The following MON2 variants were observed in gnomAD, a reference collection of about 807,000 sequenced individuals.
The protein encoded by MON2 is protein MON2 homolog.
Under a neutral mutation model 208.6 loss-of-function variants are expected in MON2, and 84 were observed. The ratio of observed to expected loss-of-function variants is 0.40; its 90% CI spans 0.34 to 0.48. MON2 has a LOEUF of 0.48. MON2 is among the 20% of genes least tolerant of loss of function. MON2 has a pLI of 0.59. For synonymous variants in MON2, 660 were observed against 694.0 expected, an observed-to-expected ratio of 0.95 and a Z score of 0.77; for missense variants, 1,611 against 2,015.4, an observed-to-expected ratio of 0.80 and a Z score of 3.84.
chr12:62,583,385 G>A (rs539193212), intron 32 of MON2, among the ~76,000 whole-genome samples: 1 of 128,946 alleles, frequency 7.8e-6, no homozygotes, highest in Non-Finnish European at 1.7e-5. Context: ...AAGATGTAGA[G>A]TTCAGTGAAA....
intron 25 of MON2, among the ~76,000 whole-genome samples, chr12:62,558,054 A>G (rs1296035625): frequency 1.5e-5 from 2 of 130,862 alleles, no homozygotes; most frequent in Non-Finnish European, 3.1e-5. Flanking sequence ...GGCTCACCCC[A>G]ACCTCTGCCT....
At chr12:62,576,402 G>T (rs191415903) in intron 30 of MON2, among the ~76,000 whole-genome samples, 21 of 152,032 alleles carry the variant, frequency 1.4e-4, no homozygotes, top group Non-Finnish European at 2.8e-4. Context: ...GGTGATGGTT[G>T]TACAACTTTA....
At chr12:62,574,608 T>C (rs944404831) in intron 30 of MON2, among the ~76,000 whole-genome samples, 2 of 152,072 alleles carry the variant, frequency 1.3e-5, no homozygotes, top group Admixed American at 6.6e-5. Flanking sequence ...TTATTTTTAA[T>C]GGCTAAAAAT....
chr12:62,473,316 AAAATGGTGG>A (rs11267224), intron 1 of MON2, among the ~76,000 whole-genome samples: 102,253 of 151,234 alleles, frequency 0.68, 34,843 homozygotes, highest in African/African-American at 0.78. Context: ...GTAAAGCTGG[AAAATGGTGG>A]AAATGGTGGA....
Position 62,570,050 on chromosome 12 carries a change from T to TTA in MON2, c.4324-1342_4324-1341insTA, listed in dbSNP as rs1565697285. On this transcript the variant is annotated intron_variant, in intron 29 of 34. Transcript: ENST00000393630. ...GTATGCCAAAACTGTTTGTCAGTGG[T>TTA]GCTGTGTGTTAGTTCATTATGATGT... Among the ~76,000 whole-genome samples, 5 of 152,284 alleles carry TTA rather than the reference T, an allele frequency of 3.3e-5. No homozygotes were observed. In the South Asian group the frequency reaches 1.0e-3, roughly 32 times the overall value.
intron 11 of MON2, among the ~76,000 whole-genome samples, chr12:62,527,572 C>G (rs1313267051): frequency 6.6e-6 from 1 of 152,098 alleles, no homozygotes; most frequent in African/African-American, 2.4e-5. Context: ...ATCTAGTTCA[C>G]CTTCCCACCT....
intron 2 of MON2, among the ~76,000 whole-genome samples, chr12:62,489,808 C>T (rs1038031002): frequency 3.9e-5 from 6 of 152,116 alleles, no homozygotes; most frequent in South Asian, 2.1e-4. Context: ...TATTTTCAGA[C>T]GTTTTGAACC....
chr12:62,567,757 A>G (rs1013407910), intron 29 of MON2, among the ~76,000 whole-genome samples: 3 of 152,240 alleles, frequency 2.0e-5, no homozygotes, highest in Non-Finnish European at 4.4e-5. Context: ...TAATAATTCA[A>G]TATGGAGAAT....
rs1385972387 is a variant in MON2, at chr12:62,580,475, T to G, written c.4699+55T>G. Reference sequence around the variant, plus strand: ...TATTGAAGTACTTTTGAAGAAACTGTCAGTAGAAATGTTTAATCCTATGAT... The same window carrying G: ...TATTGAAGTACTTTTGAAGAAACTGGCAGTAGAAATGTTTAATCCTATGAT... On this transcript the variant is annotated intron_variant, in intron 32 of 34. Transcript: ENST00000393630. 1.2e-5 allele frequency: 17 copies of G among 1,442,908 alleles called. No homozygotes were observed. In the East Asian group the frequency reaches 3.7e-4, roughly 31 times the overall value. The allele number at this position is 1,442,908 out of a possible 1,614,324, so 89.4% of individuals were successfully genotyped here.
At chr12:62,493,079 T>G (rs1243152708) in intron 2 of MON2, among the ~76,000 whole-genome samples, 3 of 151,402 alleles carry the variant, frequency 2.0e-5, no homozygotes, top group Non-Finnish European at 2.9e-5. Context: ...CGCTTATGAG[T>G]TTAATGTTCT....
rs1165282041 is a variant in MON2, at chr12:62,595,439, C to G, written c.*2690C>G. Reference sequence around the variant, plus strand: ...ACATTACAGGCCTGAGCCACTGCGCCCAGCCAATACCATGAGTTTTAAGCC... The same window carrying G: ...ACATTACAGGCCTGAGCCACTGCGCGCAGCCAATACCATGAGTTTTAAGCC... On this transcript the variant is annotated 3_prime_UTR_variant, in exon 35 of 35. Coordinates refer to ENST00000393630, the MANE Select transcript of MON2 (RefSeq NM_015026.3). 1 of 152,180 alleles carries G rather than the reference C, an allele frequency of 6.6e-6. No homozygotes were observed. Among genetic ancestry groups the G allele is most frequent in the East Asian group, 1.9e-4 (1 of 5,202 alleles). 9.4% of individuals were successfully genotyped at this position (152,180 alleles called of 1,614,324 possible).
chr12:62,500,427 G>A (rs923608655), intron 5 of MON2, among the ~76,000 whole-genome samples: 3 of 152,022 alleles, frequency 2.0e-5, no homozygotes, highest in African/African-American at 7.2e-5. Flanking sequence ...TATGGTAAAC[G>A]TTTATGTTTG....
At chr12:62,569,034 G>A (rs1295283289) in intron 29 of MON2, among the ~76,000 whole-genome samples, 1 of 152,122 alleles carries the variant, frequency 6.6e-6, no homozygotes, top group African/African-American at 2.4e-5. Context: ...ACATTGTTTT[G>A]TGGTTAATTG....
At chr12:62,585,589 TAAGTGA>T (rs2075196471) in intron 33 of MON2, 88 bp downstream of exon 33, 2 of 1,072,182 alleles carry the variant, frequency 1.9e-6, no homozygotes. Context: ...AGTGTTTTTG[TAAGTGA>T]TCTGAACTAA....
rs931760152 is a variant in MON2 at position 62,595,643 on chromosome 12, A to G, written c.*2894A>G. ...CTTCTTAGTTTCCTATGCTACCACC[A>G]CTGCCAAGGGAGAAAAAAATACATC... On this transcript the variant is annotated 3_prime_UTR_variant, in exon 35 of 35. Transcript: ENST00000393630. 6.6e-6 allele frequency: 1 copy of G among 152,184 alleles called. No individual in the cohort carries two copies. The highest frequency in any genetic ancestry group is 2.4e-5 in the African/African-American group (1 of 41,442). The allele number at this position is 152,184 out of a possible 1,614,324, so 9.4% of individuals were successfully genotyped here.
In MON2 at chr12:62,599,218, T is replaced by C. The variant is rs910999106; in HGVS notation, c.*6469T>C. 1.3e-5 allele frequency: 2 copies of C among 152,188 alleles called. No homozygotes were observed. Among genetic ancestry groups the C allele is most frequent in the African/African-American group, 4.8e-5 (2 of 41,448 alleles). The allele number at this position is 152,188 out of a possible 1,614,324, so 9.4% of individuals were successfully genotyped here. A position where few individuals can be genotyped will look rare whatever the true frequency, so the allele number is the denominator to read the frequency against. Reference sequence around the variant, plus strand: ...TAATAAACAGAAGACACGAAGTGTCTCTCAATAGTTTAGAAAGAAAGATTT... The same window carrying C: ...TAATAAACAGAAGACACGAAGTGTCCCTCAATAGTTTAGAAAGAAAGATTT... On this transcript the variant is annotated 3_prime_UTR_variant, in exon 35 of 35. Coordinates refer to ENST00000393630, the MANE Select transcript of MON2 (RefSeq NM_015026.3).
At chr12:62,499,906 C>T (rs887795120) in intron 5 of MON2, among the ~76,000 whole-genome samples, 5 of 151,856 alleles carry the variant, frequency 3.3e-5, no homozygotes, top group South Asian at 2.1e-4. Flanking sequence ...ATATTTTTAT[C>T]GACTACCTTT....
intron 1 of MON2, among the ~76,000 whole-genome samples, chr12:62,473,789 G>T (rs1011513508): frequency 6.6e-6 from 1 of 151,904 alleles, no homozygotes; most frequent in African/African-American, 2.4e-5. Context: ...TGGGCTGGTC[G>T]CAAACCCCTG....
intron 1 of MON2, among the ~76,000 whole-genome samples, 170 bp downstream of exon 1, chr12:62,467,488 G>T (rs954247858): frequency 1.3e-5 from 2 of 152,284 alleles, no homozygotes; most frequent in East Asian, 3.9e-4. Context: ...ACTGGAGAGG[G>T]CTGAGGCACT....
Sources: gnomAD v4.1 joint callset for allele counts (sites outside exome capture counted in the v4.1 genomes callset) on GRCh38, gnomAD v4.1.1 for gene constraint, MANE v1.5 for transcripts, NCBI Gene and HGNC (gene_info 2026-07-23, HGNC 2026-07-21) for gene names.